Variants in RBFOX3 observed in about 807,000 individuals in gnomAD.
RBFOX3 encodes the protein RNA binding fox-1 homolog 3.
Under a neutral mutation model 48.7 loss-of-function variants are expected in RBFOX3, and 17 were observed. That is an observed-to-expected ratio of 0.35 (90% CI 0.24 to 0.52). The LOEUF (loss-of-function observed/expected upper bound fraction) is 0.52. RBFOX3 is among the 20% of genes least tolerant of loss of function. The pLI is 0.94. For synonymous variants in RBFOX3, 212 were observed against 209.5 expected, an observed-to-expected ratio of 1.01 and a Z score of -0.10; for missense variants, 382 against 497.5, an observed-to-expected ratio of 0.77 and a Z score of 2.21.
At chr17:79,301,991 G>C (rs985485830) in intron 3 of RBFOX3, among the ~76,000 whole-genome samples, 2 of 152,182 alleles carry the variant, frequency 1.3e-5, no homozygotes, top group Non-Finnish European at 2.9e-5. Context: ...TTATTTAATG[G>C]GGACAGAGTT....
At chr17:79,223,248 T>TAC (rs1309347977) in intron 4 of RBFOX3, among the ~76,000 whole-genome samples, 1 of 151,982 alleles carries the variant, frequency 6.6e-6, no homozygotes, top group Non-Finnish European at 1.5e-5. Flanking sequence ...ACGGTCCCCC[T>TAC]ACACACACAC....
At chr17:79,186,987 C>T (rs1004815991) in intron 4 of RBFOX3, among the ~76,000 whole-genome samples, 11 of 152,208 alleles carry the variant, frequency 7.2e-5, no homozygotes, top group African/African-American at 2.2e-4. Flanking sequence ...AAATTCTGGC[C>T]CACGTAACCT....
At chr17:79,610,147 C>T (rs1228641225) in intron 1 of RBFOX3, among the ~76,000 whole-genome samples, 6 of 152,030 alleles carry the variant, frequency 3.9e-5, no homozygotes, top group Admixed American at 1.3e-4. Flanking sequence ...CCCGCGCACA[C>T]CGCGGTGCTG....
intron 1 of RBFOX3, among the ~76,000 whole-genome samples, chr17:79,568,418 T>C (rs1358496171): frequency 2.0e-5 from 3 of 152,198 alleles, no homozygotes; most frequent in South Asian, 2.1e-4. Flanking sequence ...CTTGGATTTT[T>C]AGGTTTGAGA....
In RBFOX3 at chr17:79,294,435, C is replaced by T. The variant is rs192108226; in HGVS notation, c.-74+13289G>A. On this transcript the variant is annotated intron_variant, in intron 3 of 14. Coordinates refer to ENST00000693108, the MANE Select transcript of RBFOX3 (RefSeq NM_001350451.2). The stretch of plus-strand genomic sequence containing the variant: ...AAGTCATTCTCTTGCCTCAGCCTCC[C>T]GAGTAGCTGGGACTTCAGGCGCCTG... 2.0e-4 allele frequency among the ~76,000 whole-genome samples: 31 copies of T among 152,230 alleles called. No individual in the cohort carries two copies. The East Asian group carries it at 4.8e-3, about 24-fold the overall frequency.
At chr17:79,446,923 T>C (rs2072439521) in intron 2 of RBFOX3, among the ~76,000 whole-genome samples, 1 of 152,208 alleles carries the variant, frequency 6.6e-6, no homozygotes, top group African/African-American at 2.4e-5. Flanking sequence ...AATTCTTTCC[T>C]GAGAGAAGCC....
Position 79,197,655 on chromosome 17 carries a change from A to G in RBFOX3, c.-34+38111T>C, listed in dbSNP as rs559796207. On this transcript the variant is annotated intron_variant, in intron 4 of 14. Transcript: ENST00000693108. ...AGTGATCCGCCCACCTCGGCCTCCCAAAGTGCTGGGATTACAGGCATGAGC... is the reference window on the plus strand; with the variant it reads ...AGTGATCCGCCCACCTCGGCCTCCCGAAGTGCTGGGATTACAGGCATGAGC... 4.1e-4 allele frequency among the ~76,000 whole-genome samples: 62 copies of G among 151,994 alleles called. 1 individual carries two copies. In the South Asian group the frequency reaches 7.3e-3, roughly 18 times the overall value.
chr17:79,612,638 C>T (rs1049927869), upstream of RBFOX3, among the ~76,000 whole-genome samples: 4 of 152,240 alleles, frequency 2.6e-5, no homozygotes, highest in African/African-American at 9.6e-5. Flanking sequence ...TAAACAGCCC[C>T]ACAGCTAACC....
At chr17:79,493,605 C>T (rs1348131562) in intron 1 of RBFOX3, among the ~76,000 whole-genome samples, 5 of 152,276 alleles carry the variant, frequency 3.3e-5, no homozygotes, top group African/African-American at 7.2e-5. Context: ...CCCAGTTTCC[C>T]GGTCACTCTG....
At chr17:79,389,006 G>C (rs1278145183) in intron 2 of RBFOX3, among the ~76,000 whole-genome samples, 1 of 152,228 alleles carries the variant, frequency 6.6e-6, no homozygotes, top group Non-Finnish European at 1.5e-5. Context: ...CATTTCAGAG[G>C]GAGACGTGGC....
chr17:79,611,169 T>TCTCTCTCTCTCG, upstream of RBFOX3, among the ~76,000 whole-genome samples: 134 of 25,926 alleles, frequency 5.2e-3, 29 homozygotes, highest in Non-Finnish European at 8.9e-3. Context: ...TCTCTCTCTC[T>TCTCTCTCTCTCG]CTCTCCGCCC....
At chr17:79,146,386 T>A (rs1294032093) in intron 4 of RBFOX3, among the ~76,000 whole-genome samples, 1 of 152,198 alleles carries the variant, frequency 6.6e-6, no homozygotes, top group East Asian at 1.9e-4. Flanking sequence ...AGGCCCCCGT[T>A]TCACCACTGC....
intron 4 of RBFOX3, among the ~76,000 whole-genome samples, chr17:79,221,789 G>T (rs894159463): frequency 1.3e-5 from 2 of 152,216 alleles, no homozygotes; most frequent in African/African-American, 4.8e-5. Context: ...TCCCCTCCAA[G>T]GCCGCCGCCC....
rs551462746 is a variant in RBFOX3 at position 79,215,153 on chromosome 17, T to TG, written c.-34+20612dup. 2.5e-3 allele frequency among the ~76,000 whole-genome samples: 380 copies of TG among 152,230 alleles called. 1 individual carries two copies. The highest frequency in any genetic ancestry group is 8.7e-3 in the African/African-American group (360 of 41,546). ...TCTGTTTGTCCCATCGGGTTGGCTC[T>TG]GGGGGAAGTGGGAGGGAGGTGCTGG... On this transcript the variant is annotated intron_variant, in intron 4 of 14. Transcript: ENST00000693108.
At chr17:79,359,468 A>AT (rs2085873737) in intron 2 of RBFOX3, among the ~76,000 whole-genome samples, 1 of 152,250 alleles carries the variant, frequency 6.6e-6, no homozygotes, top group African/African-American at 2.4e-5. Flanking sequence ...TCCAAAGAGC[A>AT]TATTTTGCTG....
Position 79,443,444 on chromosome 17 carries a change from C to T in RBFOX3, c.-175+39010G>A, listed in dbSNP as rs978185082. 6.6e-6 allele frequency among the ~76,000 whole-genome samples: 1 copy of T among 152,014 alleles called. No homozygotes were observed. Among genetic ancestry groups the T allele is most frequent in the African/African-American group, 2.4e-5 (1 of 41,384 alleles). On this transcript the variant is annotated intron_variant, in intron 2 of 14. Coordinates refer to ENST00000693108, the MANE Select transcript of RBFOX3 (RefSeq NM_001350451.2). The surrounding 1 kb of genome is among the most constrained non-coding windows in gnomAD (Gnocchi z 4.4). ...TCGCCCAGGCTGGAGTGCAGTGGCT[C>T]GATCTCGGCTCGCTGCAACCTCTGC...
intron 3 of RBFOX3, among the ~76,000 whole-genome samples, chr17:79,239,372 A>G (rs2062037353): frequency 6.6e-6 from 1 of 152,284 alleles, no homozygotes; most frequent in African/African-American, 2.4e-5. Flanking sequence ...TCAGCCACTC[A>G]GCGGGATAAT....
At chr17:79,211,126 C>A (rs567732284) in intron 4 of RBFOX3, among the ~76,000 whole-genome samples, 236 of 152,346 alleles carry the variant, frequency 1.5e-3, no homozygotes, top group African/African-American at 5.1e-3. Context: ...GTTCCAACAC[C>A]TTCTCCAGCG....
rs918856930 is a variant in RBFOX3, at chr17:79,559,116, T to C, written c.-320+51710A>G. On this transcript the variant is annotated intron_variant, in intron 1 of 14. Coordinates refer to ENST00000693108, the MANE Select transcript of RBFOX3 (RefSeq NM_001350451.2). Reference sequence around the variant, plus strand: ...ACTGATGACCTCACAATCTAGCACATTAATTGTTCTCACTGGAATAGAGCT... The same window carrying C: ...ACTGATGACCTCACAATCTAGCACACTAATTGTTCTCACTGGAATAGAGCT... Among the ~76,000 whole-genome samples, 802 of 152,204 alleles carry C rather than the reference T, an allele frequency of 5.3e-3. 7 individuals carry two copies. Among genetic ancestry groups the C allele is most frequent in the African/African-American group, 0.018 (730 of 41,518 alleles).
Sources: allele counts gnomAD v4.1 joint callset (sites outside exome capture counted in the v4.1 genomes callset), GRCh38; gene constraint gnomAD v4.1.1; non-coding constraint Gnocchi (gnomAD v3.1); transcripts MANE v1.5; gene names NCBI Gene and HGNC (gene_info 2026-07-23, HGNC 2026-07-21).